The following SH3RF2 variants were observed in gnomAD, a reference collection of about 807,000 sequenced individuals.
SH3RF2 encodes the protein E3 ubiquitin-protein ligase SH3RF2.
SH3RF2 carries 43 observed loss-of-function variants against 59.0 expected under a neutral mutation model. The ratio of observed to expected loss-of-function variants is 0.73; its 90% CI spans 0.57 to 0.94. The LOEUF (loss-of-function observed/expected upper bound fraction) is 0.94, where lower values mean the gene tolerates loss of function less well. Ranked by LOEUF, SH3RF2 falls within the 40% of genes least tolerant of loss-of-function variation. The pLI, the probability that SH3RF2 is intolerant of heterozygous loss-of-function variation, is 0.00. For missense variants in SH3RF2, 930 were observed against 940.1 expected, an observed-to-expected ratio of 0.99 and a Z score of 0.14; for synonymous variants, 391 against 391.5, an observed-to-expected ratio of 1.00 and a Z score of 0.01.
chr5:146,072,079 A>G (rs888246531), intron 9 of SH3RF2, among the ~76,000 whole-genome samples: 2 of 152,186 alleles, frequency 1.3e-5, no homozygotes, highest in African/African-American at 4.8e-5. Context: ...GCACAGAGAA[A>G]TGTGACATGA....
At chr5:146,060,642 C>T (rs985614733) in intron 9 of SH3RF2, among the ~76,000 whole-genome samples, 1 of 152,094 alleles carries the variant, frequency 6.6e-6, no homozygotes, top group Non-Finnish European at 1.5e-5. Flanking sequence ...GAGTAATGGC[C>T]ACACAGTAAT....
chr5:145,958,478 G>T (rs1278720191), intron 2 of SH3RF2, among the ~76,000 whole-genome samples: 1 of 152,166 alleles, frequency 6.6e-6, no homozygotes, highest in Non-Finnish European at 1.5e-5. Flanking sequence ...CTTGAGGCCT[G>T]ATCTGGATTG....
At chr5:146,024,031 T>C (rs994536110) in intron 5 of SH3RF2, among the ~76,000 whole-genome samples, 5 of 152,246 alleles carry the variant, frequency 3.3e-5, no homozygotes, top group African/African-American at 9.6e-5. Flanking sequence ...TGGGTTGTTT[T>C]TACTTTTTGG....
intron 5 of SH3RF2, among the ~76,000 whole-genome samples, chr5:146,024,981 G>A (rs533182571): frequency 9.9e-5 from 15 of 152,206 alleles, no homozygotes; most frequent in Admixed American, 7.2e-4. Flanking sequence ...CCTTTTACCG[G>A]GTGGTTTGAA....
downstream of SH3RF2, among the ~76,000 whole-genome samples, chr5:146,065,808 A>G (rs1763088604): frequency 6.6e-6 from 1 of 152,170 alleles, no homozygotes; most frequent in Non-Finnish European, 1.5e-5. Context: ...CATTCCACCA[A>G]CATGCTTTGT....
intron 2 of SH3RF2, among the ~76,000 whole-genome samples, chr5:145,973,115 G>A (rs1759151156): frequency 6.6e-6 from 1 of 152,052 alleles, no homozygotes; most frequent in African/African-American, 2.4e-5. Flanking sequence ...ACCTCAACTG[G>A]GACTTTAAAT....
intron 2 of SH3RF2, among the ~76,000 whole-genome samples, chr5:145,943,845 A>G (rs1290047927): frequency 6.6e-6 from 1 of 152,184 alleles, no homozygotes; most frequent in East Asian, 1.9e-4. Context: ...CTCAACCTCA[A>G]TTATTTGCCG....
intron 4 of SH3RF2, among the ~76,000 whole-genome samples, chr5:146,008,256 A>G (rs1283988180): frequency 1.3e-5 from 2 of 152,224 alleles, no homozygotes; most frequent in African/African-American, 4.8e-5. Context: ...CTTCCCCAGC[A>G]GAGCTATTAA....
intron 9 of SH3RF2, among the ~76,000 whole-genome samples, chr5:146,073,456 AC>A (rs1431319040): frequency 6.6e-6 from 1 of 151,984 alleles, no homozygotes; most frequent in Non-Finnish European, 1.5e-5. Flanking sequence ...TTCGATAACA[AC>A]CTCTCCTCCT....
Position 145,946,566 on chromosome 5 carries a change from T to C in SH3RF2, c.378+8260T>C, listed in dbSNP as rs925145463. On this transcript the variant is annotated intron_variant, in intron 2 of 9. Coordinates refer to ENST00000359120, the MANE Select transcript of SH3RF2 (RefSeq NM_152550.4). ...TAAAGTCATGTGGTGACTGAAACATTCTTGCTGTGAATCACCTTATTAAAT... is the reference window on the plus strand; with the variant it reads ...TAAAGTCATGTGGTGACTGAAACATCCTTGCTGTGAATCACCTTATTAAAT... Among the ~76,000 whole-genome samples the C allele has an allele frequency of 5.6e-4, 85 of 152,282 alleles. 1 individual carries two copies. Among genetic ancestry groups the C allele is most frequent in the African/African-American group, 2.0e-3 (83 of 41,572 alleles).
chr5:146,072,300 GA>G (rs1478424589), intron 9 of SH3RF2, among the ~76,000 whole-genome samples: 5 of 152,196 alleles, frequency 3.3e-5, no homozygotes, highest in Non-Finnish European at 7.3e-5. Context: ...AAGGGACCCA[GA>G]AGTGGTAGCT....
chr5:145,975,566 A>G (rs1286838399), intron 2 of SH3RF2, among the ~76,000 whole-genome samples: 1 of 152,174 alleles, frequency 6.6e-6, no homozygotes. Flanking sequence ...TGACTTGATA[A>G]CAGCCCCAGC....
downstream of SH3RF2, among the ~76,000 whole-genome samples, chr5:146,064,808 GA>G (rs1384085716): frequency 0.063 from 540 of 8,508 alleles, 15 homozygotes; most frequent in African/African-American, 0.077. Context: ...AGGAAGGAAG[GA>G]AAGAAAGAAA....
intron 2 of SH3RF2, among the ~76,000 whole-genome samples, chr5:145,962,594 C>T (rs938979686): frequency 3.3e-5 from 5 of 152,180 alleles, no homozygotes; most frequent in African/African-American, 9.7e-5. Flanking sequence ...GTTCCTGCAG[C>T]AGGACTTCCC....
intron 2 of SH3RF2, among the ~76,000 whole-genome samples, chr5:145,970,056 C>A (rs1482631965): frequency 6.6e-6 from 1 of 152,142 alleles, no homozygotes; most frequent in Non-Finnish European, 1.5e-5. Context: ...CTAACTGTGA[C>A]AAGCCCTTTA....
intron 2 of SH3RF2, among the ~76,000 whole-genome samples, chr5:145,973,708 T>C (rs1251844712): frequency 6.6e-6 from 1 of 152,230 alleles, no homozygotes; most frequent in Non-Finnish European, 1.5e-5. Flanking sequence ...GTTTTTGACC[T>C]TAAGACAAAA....
downstream of SH3RF2, among the ~76,000 whole-genome samples, chr5:146,064,751 G>GAAGGA (rs1763032443): frequency 9.1e-4 from 6 of 6,588 alleles, no homozygotes; most frequent in Admixed American, 2.1e-3. Flanking sequence ...AGGAAGGAAG[G>GAAGGA]AAGGAAGGAA....
intron 2 of SH3RF2, among the ~76,000 whole-genome samples, chr5:145,977,016 G>A (rs1298117853): frequency 1.3e-5 from 2 of 152,262 alleles, no homozygotes; most frequent in Non-Finnish European, 2.9e-5. Context: ...GCAGTGAAAT[G>A]CACTCATGTG....
intron 2 of SH3RF2, among the ~76,000 whole-genome samples, chr5:145,972,544 C>T (rs187065507): frequency 1.2e-3 from 180 of 152,304 alleles, no homozygotes; most frequent in South Asian, 4.4e-3. Context: ...GCCATTCACA[C>T]GGCAATCATC....
Sources: allele counts gnomAD v4.1 joint callset (sites outside exome capture counted in the v4.1 genomes callset), GRCh38; gene constraint gnomAD v4.1.1; transcripts MANE v1.5; gene names NCBI Gene and HGNC (gene_info 2026-07-23, HGNC 2026-07-21).